Variants in DZIP3 observed in about 807,000 individuals in gnomAD.
DZIP3 encodes E3 ubiquitin-protein ligase DZIP3.
Under a neutral mutation model 162.0 loss-of-function variants are expected in DZIP3, and 118 were observed. That is an observed-to-expected ratio of 0.73 (90% CI 0.63 to 0.85). The LOEUF is 0.85. DZIP3 is among the 40% of genes least tolerant of loss of function. The pLI, the probability that DZIP3 is intolerant of heterozygous loss-of-function variation, is 0.00. For missense variants in DZIP3, 1,331 were observed against 1,407.0 expected, an observed-to-expected ratio of 0.95 and a Z score of 0.86; for synonymous variants, 438 against 458.6, an observed-to-expected ratio of 0.96 and a Z score of 0.57.
chr3:108,675,752 A>G, intron 24 of DZIP3, 34 bp from the exon 25 acceptor site: 1 of 1,563,046 alleles, frequency 6.4e-7, no homozygotes, highest in Non-Finnish European at 8.7e-7. Context: ...ATAAAAAGAA[A>G]GAGTTTTCTT....
At position 108,634,935 on chromosome 3, in the gene DZIP3, A is replaced by T; in HGVS notation, c.881A>T (p.Lys294Met). ...CVYFHKICWKKFKNLKYPGEN... is the reference protein window; with the variant it reads ...CVYFHKICWKMFKNLKYPGEN... ...TATTTCCATAAAATTTGCTGGAAAA[A>T]GTTCAAGAATTTAAAGTATCCAGGT... The change falls in exon 10 of 33, where the codon AAG (lysine) becomes ATG (methionine). Residue 294 changes from lysine (K) to methionine (M), a missense_variant. Coordinates refer to ENST00000361582, the MANE Select transcript of DZIP3 (RefSeq NM_014648.4). 6.2e-7 allele frequency: 1 copy of T among 1,610,044 alleles called. No homozygotes were observed. Among genetic ancestry groups the T allele is most frequent in the Non-Finnish European group, 8.5e-7 (1 of 1,177,582 alleles).
intron 1 of DZIP3, among the ~76,000 whole-genome samples, chr3:108,590,732 T>C (rs1939352767): frequency 6.6e-6 from 1 of 152,136 alleles, no homozygotes; most frequent in Admixed American, 6.6e-5. Context: ...GAGAGCCAGG[T>C]TGCTTACAGA....
intron 4 of DZIP3, 84 bp from the exon 5 acceptor site, chr3:108,616,457 G>A (rs1941020024): frequency 3.4e-6 from 3 of 895,348 alleles, no homozygotes; most frequent in Non-Finnish European, 1.7e-6. Flanking sequence ...TTTCTCCAAT[G>A]AGCATGAATT....
At chr3:108,653,079 A>T (rs1183724728) in intron 18 of DZIP3, among the ~76,000 whole-genome samples, 1 of 151,922 alleles carries the variant, frequency 6.6e-6, no homozygotes, top group East Asian at 1.9e-4. Context: ...GGGTGCCTAG[A>T]AACATTTAAT....
At chr3:108,625,637 T>A (rs1271460467) in intron 6 of DZIP3, among the ~76,000 whole-genome samples, 2 of 152,202 alleles carry the variant, frequency 1.3e-5, no homozygotes, top group Non-Finnish European at 1.5e-5. Flanking sequence ...GTCTTAAGTT[T>A]ATTTATAAAT....
chr3:108,625,505 C>T (rs1008707242), intron 6 of DZIP3, among the ~76,000 whole-genome samples: 2 of 152,198 alleles, frequency 1.3e-5, no homozygotes, highest in Non-Finnish European at 2.9e-5. Flanking sequence ...AGCAATCCTC[C>T]TGCTTCAGCC....
At chr3:108,639,552 T>C (rs79770027) in intron 12 of DZIP3, among the ~76,000 whole-genome samples, 2,464 of 152,288 alleles carry the variant, frequency 0.016, 40 homozygotes, top group Admixed American at 0.031. Flanking sequence ...CTTCCACTTA[T>C]AGGATTCCCC....
At chr3:108,604,045 A>G (rs1052868419) in intron 1 of DZIP3, among the ~76,000 whole-genome samples, 1 of 152,130 alleles carries the variant, frequency 6.6e-6, no homozygotes, top group Non-Finnish European at 1.5e-5. Flanking sequence ...CACAATCTGA[A>G]TTCTTAATAA....
intron 1 of DZIP3, among the ~76,000 whole-genome samples, chr3:108,597,245 GT>G (rs1939760107): frequency 6.6e-6 from 1 of 152,110 alleles, no homozygotes; most frequent in Admixed American, 6.5e-5. Flanking sequence ...TTTTCAAACA[GT>G]TTCTGCTTTT....
intron 26 of DZIP3, among the ~76,000 whole-genome samples, chr3:108,680,589 A>G (rs1385911018): frequency 1.3e-5 from 2 of 152,160 alleles, no homozygotes; most frequent in Non-Finnish European, 2.9e-5. Context: ...AGGAGGAGAA[A>G]GATCACTACA....
At chr3:108,640,760 A>T (rs1414507655) in intron 12 of DZIP3, among the ~76,000 whole-genome samples, 3 of 151,768 alleles carry the variant, frequency 2.0e-5, no homozygotes, top group African/African-American at 7.3e-5. Context: ...TCTCTTTTTA[A>T]CCCTGATAAT....
At chr3:108,596,232 T>G (rs1435189779) in intron 1 of DZIP3, among the ~76,000 whole-genome samples, 3 of 152,350 alleles carry the variant, frequency 2.0e-5, no homozygotes, top group Non-Finnish European at 2.9e-5. Context: ...CAGGCCTGAT[T>G]TGACTGGGTG....
intron 31 of DZIP3, among the ~76,000 whole-genome samples, chr3:108,690,253 A>T (rs571404755): frequency 6.2e-4 from 95 of 152,260 alleles, no homozygotes; most frequent in Non-Finnish European, 1.3e-3. Flanking sequence ...TATACGTAAA[A>T]ATGATTTGTT....
intron 8 of DZIP3, among the ~76,000 whole-genome samples, chr3:108,631,438 A>G (rs1177396333): frequency 1.3e-5 from 2 of 151,796 alleles, no homozygotes; most frequent in Non-Finnish European, 2.9e-5. Context: ...GTGCAGTGGC[A>G]TGATCATAGT....
rs201059924 is a variant in DZIP3 at position 108,634,888 on chromosome 3, G to A, written c.834G>A (p.Met278Ile). 2.5e-6 allele frequency: 4 copies of A among 1,605,748 alleles called. No individual in the cohort carries two copies. In the African/African-American group the frequency reaches 4.0e-5, roughly 16 times the overall value. Residue 278 changes from methionine (M) to isoleucine (I), a missense_variant, in exon 10 of 33, where the codon ATG (methionine) becomes ATA (isoleucine). Coordinates refer to ENST00000361582, the MANE Select transcript of DZIP3 (RefSeq NM_014648.4). ...NTSYKGFFQL[M>I]CSKSCCVYFH... Reference sequence around the variant, plus strand: ...TTTTCCAGGGATTTTTTCAGTTAATGTGCAGTAAAAGTTGCTGTGTTTATT... The same window carrying A: ...TTTTCCAGGGATTTTTTCAGTTAATATGCAGTAAAAGTTGCTGTGTTTATT...
At chr3:108,674,937 T>C (rs1944050444) in intron 24 of DZIP3, among the ~76,000 whole-genome samples, 1 of 151,964 alleles carries the variant, frequency 6.6e-6, no homozygotes, top group African/African-American at 2.4e-5. Context: ...GATATACTGA[T>C]GTGCACTCAA....
intron 19 of DZIP3, among the ~76,000 whole-genome samples, chr3:108,655,551 T>G (rs1441660097): frequency 6.6e-6 from 1 of 151,096 alleles, no homozygotes; most frequent in Non-Finnish European, 1.5e-5. Flanking sequence ...ACAGCTCCAG[T>G]CTACAGCTCC....
intron 17 of DZIP3, among the ~76,000 whole-genome samples, chr3:108,650,143 C>T (rs1343278939): frequency 6.6e-6 from 1 of 151,780 alleles, no homozygotes; most frequent in Admixed American, 6.6e-5. Flanking sequence ...CTCAAGCTCT[C>T]AAATTTTTGG....
At chr3:108,637,647 A>G in intron 12 of DZIP3, 99 bp downstream of exon 12, 2 of 1,075,638 alleles carry the variant, frequency 1.9e-6, no homozygotes, top group Non-Finnish European at 2.7e-6. Flanking sequence ...ATAGAGCTGC[A>G]TTAAATTTTA....
Sources: allele counts gnomAD v4.1 joint callset (sites outside exome capture counted in the v4.1 genomes callset), GRCh38; gene constraint gnomAD v4.1.1; transcripts MANE v1.5; gene names NCBI Gene and HGNC (gene_info 2026-07-23, HGNC 2026-07-21).